Variants in MAMDC2 observed in about 807,000 individuals in gnomAD.
MAMDC2 encodes MAM domain-containing protein 2.
A neutral mutation model predicts 89.8 loss-of-function variants in MAMDC2; 57 were observed. The ratio of observed to expected loss-of-function variants is 0.63; its 90% CI spans 0.51 to 0.79. The LOEUF is 0.79. Ranked by LOEUF, MAMDC2 falls within the 30% of genes least tolerant of loss-of-function variation. The pLI is 0.00. For missense variants in MAMDC2, 800 were observed against 820.6 expected (o/e 0.97, Z 0.31); for synonymous variants, 313 against 293.4 (o/e 1.07, Z -0.68).
intron 2 of MAMDC2, among the ~76,000 whole-genome samples, chr9:70,080,693 T>C (rs549450915): frequency 6.6e-6 from 1 of 152,302 alleles, no homozygotes; most frequent in South Asian, 2.1e-4. Flanking sequence ...CTGTGTTGAG[T>C]TAGCGGCCAA....
At chr9:70,153,738 A>C (rs1220840664) in intron 9 of MAMDC2, 4 of 152,144 alleles carry the variant, frequency 2.6e-5, no homozygotes, top group Non-Finnish European at 5.9e-5. Context: ...GAAAAAAAAA[A>C]CTTCAAAGTC....
intron 2 of MAMDC2, among the ~76,000 whole-genome samples, chr9:70,072,354 A>C (rs941593047): frequency 2.0e-5 from 3 of 152,202 alleles, no homozygotes; most frequent in African/African-American, 4.8e-5. Flanking sequence ...CAATGAGTAC[A>C]TTCCTGAGTC....
At chr9:70,062,774 A>T (rs1414945078) in intron 2 of MAMDC2, 3 of 152,222 alleles carry the variant, frequency 2.0e-5, no homozygotes, top group Non-Finnish European at 4.4e-5. Flanking sequence ...TATTTCCATC[A>T]GAATAAATTC....
intron 2 of MAMDC2, chr9:70,105,865 C>T (rs1173835560): frequency 2.0e-5 from 3 of 152,150 alleles, no homozygotes; most frequent in African/African-American, 7.2e-5. Flanking sequence ...CCTGCTTTAA[C>T]ACACATTCAC....
At chr9:70,174,462 A>G (rs1392693570) in intron 11 of MAMDC2, among the ~76,000 whole-genome samples, 1 of 152,220 alleles carries the variant, frequency 6.6e-6, no homozygotes. Flanking sequence ...TAGAAGAGTC[A>G]CAACGAAGCC....
intron 9 of MAMDC2, among the ~76,000 whole-genome samples, chr9:70,152,286 A>G (rs770093201): frequency 8.3e-5 from 11 of 132,334 alleles, no homozygotes; most frequent in Non-Finnish European, 1.6e-4. Flanking sequence ...CAACGCTAAG[A>G]GTTTCCCTCA....
chr9:70,118,116 T>G (rs927681411), intron 5 of MAMDC2, among the ~76,000 whole-genome samples: 3 of 152,076 alleles, frequency 2.0e-5, no homozygotes, highest in African/African-American at 7.2e-5. Context: ...TTGGAGAGCA[T>G]TTGAGAATCC....
intron 7 of MAMDC2, among the ~76,000 whole-genome samples, chr9:70,134,525 C>T (rs1587502106): frequency 6.6e-6 from 1 of 151,998 alleles, no homozygotes; most frequent in Admixed American, 6.6e-5. Context: ...CTGCCATATG[C>T]AGACCCAATC....
At chr9:70,134,097 T>C (rs1167921087) in intron 7 of MAMDC2, among the ~76,000 whole-genome samples, 2 of 152,182 alleles carry the variant, frequency 1.3e-5, no homozygotes, top group Non-Finnish European at 2.9e-5. Flanking sequence ...TGTCTCTGCT[T>C]TTCCCAGCTG....
chr9:70,119,357 G>A (rs1209418470), intron 5 of MAMDC2, among the ~76,000 whole-genome samples: 1 of 152,116 alleles, frequency 6.6e-6, no homozygotes, highest in Non-Finnish European at 1.5e-5. Flanking sequence ...TGAGATGGTT[G>A]GATCATCTCT....
intron 4 of MAMDC2, 139 bp from the exon 5 acceptor site, chr9:70,112,856 G>T (rs1828546365): frequency 4.1e-6 from 4 of 983,538 alleles, no homozygotes; most frequent in African/African-American, 3.2e-5. Context: ...CCAAAATTGT[G>T]CAGGGGTCCT....
chr9:70,056,078 T>C (rs1376235898), intron 2 of MAMDC2, among the ~76,000 whole-genome samples: 1 of 152,214 alleles, frequency 6.6e-6, no homozygotes, highest in Non-Finnish European at 1.5e-5. Context: ...CAAGGAGAGC[T>C]GAAGTGTTAT....
At chr9:70,126,547 C>A in intron 6 of MAMDC2, 132 bp downstream of exon 6, 1 of 930,404 alleles carries the variant, frequency 1.1e-6, no homozygotes, top group Non-Finnish European at 1.6e-6. Context: ...CAACTGTATT[C>A]TTTCTCATCC....
At chr9:70,099,773 G>A (rs929500386) in intron 2 of MAMDC2, among the ~76,000 whole-genome samples, 1 of 152,128 alleles carries the variant, frequency 6.6e-6, no homozygotes, top group Admixed American at 6.5e-5. Flanking sequence ...TCAGTAGTTC[G>A]AGACCAGCCT....
intron 6 of MAMDC2, among the ~76,000 whole-genome samples, chr9:70,130,803 AAAAC>A (rs1424005287): frequency 6.6e-6 from 1 of 150,962 alleles, no homozygotes; most frequent in Non-Finnish European, 1.5e-5. Context: ...ACAAAACAAA[AAAAC>A]AAAAAAAAAC....
chr9:70,159,196 G>C (rs923392058), intron 9 of MAMDC2, among the ~76,000 whole-genome samples: 7 of 151,994 alleles, frequency 4.6e-5, no homozygotes, highest in Admixed American at 4.6e-4. Flanking sequence ...GAATAAAAAA[G>C]GAAGCGCTCA....
chr9:70,142,667 C>T (rs751159968), intron 8 of MAMDC2, among the ~76,000 whole-genome samples: 3 of 152,052 alleles, frequency 2.0e-5, no homozygotes, highest in Non-Finnish European at 4.4e-5. Context: ...CAGATGGCCA[C>T]CTTATCCTGT....
intron 9 of MAMDC2, among the ~76,000 whole-genome samples, chr9:70,145,890 C>A (rs1267715342): frequency 6.6e-6 from 1 of 152,126 alleles, no homozygotes; most frequent in African/African-American, 2.4e-5. Flanking sequence ...ATGTAAGCAA[C>A]TAACTACCAT....
chr9:70,224,749 G>C (rs534609709), intron 12 of MAMDC2, among the ~76,000 whole-genome samples: 1 of 152,234 alleles, frequency 6.6e-6, no homozygotes, highest in South Asian at 2.1e-4. Context: ...TGCTTTACCA[G>C]CAATGTGGGT....
Sources: gnomAD v4.1 joint callset for allele counts (sites outside exome capture counted in the v4.1 genomes callset) on GRCh38, gnomAD v4.1.1 for gene constraint, MANE v1.5 for transcripts, NCBI Gene and HGNC (gene_info 2026-07-23, HGNC 2026-07-21) for gene names.